IL23R: variants seen among roughly 807,000 people sequenced by gnomAD.
IL23R encodes interleukin 23 receptor.
Under a neutral mutation model 56.9 loss-of-function variants are expected in IL23R, and 34 were observed. The observed-to-expected ratio is 0.60, with a 90% CI of 0.45 to 0.80. The LOEUF (loss-of-function observed/expected upper bound fraction) is 0.80. Among genes scored for constraint, IL23R ranks in the 30% least tolerant of loss-of-function variants. The probability of loss-of-function intolerance (pLI) is 0.00; values close to 1 mark genes in which losing one functional copy is unlikely to be tolerated. For missense variants in IL23R, 635 were observed against 730.0 expected (o/e 0.87, Z 1.50); for synonymous variants, 230 against 249.2 (o/e 0.92, Z 0.73).
At chr1:67,141,495 T>G (rs930282487) in intron 1 of IL23R, among the ~76,000 whole-genome samples, 9 of 152,038 alleles carry the variant, frequency 5.9e-5, no homozygotes, top group Non-Finnish European at 1.0e-4. Context: ...CAGGGACTCA[T>G]GTCTATAATC....
intron 10 of IL23R, among the ~76,000 whole-genome samples, chr1:67,257,090 T>C (rs1652990212): frequency 6.6e-6 from 1 of 152,182 alleles, no homozygotes; most frequent in Admixed American, 6.5e-5. Flanking sequence ...AAAATTGGAA[T>C]GACACTTCAT....
At position 67,200,076 on chromosome 1, in the gene IL23R, G is replaced by A. The variant is rs987529379; in HGVS notation, c.492-661G>A. Among the ~76,000 whole-genome samples, 16 of 152,296 alleles carry A rather than the reference G, an allele frequency of 1.1e-4. No individual in the cohort carries two copies. The South Asian group carries it at 2.7e-3, about 26-fold the overall frequency. ...TGTTTTTGAGACGGAGTCTCGCTCT[G>A]TCGCCCCTGCTGGAGTGCAGTGGTG... On this transcript the variant is annotated intron_variant, in intron 4 of 10. Transcript: ENST00000347310.
At chr1:67,237,314 T>A (rs1651548786) in intron 8 of IL23R, among the ~76,000 whole-genome samples, 2 of 152,308 alleles carry the variant, frequency 1.3e-5, no homozygotes, top group South Asian at 4.1e-4. Flanking sequence ...GTGCTGGGAT[T>A]ACAGGTGTGA....
chr1:67,253,332 A>G (rs1384714119), intron 9 of IL23R, among the ~76,000 whole-genome samples: 1 of 152,180 alleles, frequency 6.6e-6, no homozygotes, highest in Non-Finnish European at 1.5e-5. Context: ...GGATTTCTAA[A>G]TTTTACTGAT....
chr1:67,263,132 T>TTCACAGGTCACCCAGGCTA (rs149532441), downstream of IL23R, among the ~76,000 whole-genome samples: 1 of 139,600 alleles, frequency 7.2e-6, no homozygotes. Context: ...TTTTTTTTTT[T>TTCACAGGTCACCCAGGCTA]AACAGGTCAC....
chr1:67,141,089 G>A (rs1646632849), intron 1 of IL23R, among the ~76,000 whole-genome samples: 1 of 152,056 alleles, frequency 6.6e-6, no homozygotes, highest in South Asian at 2.1e-4. Context: ...AATAACATAG[G>A]AAAATGTGTA....
At chr1:67,227,726 A>G (rs1650710703) in intron 7 of IL23R, among the ~76,000 whole-genome samples, 1 of 152,210 alleles carries the variant, frequency 6.6e-6, no homozygotes, top group Non-Finnish European at 1.5e-5. Context: ...CCACATAGAG[A>G]TGGGTTCTGA....
chr1:67,162,343 C>A (rs1486229486), upstream of IL23R, among the ~76,000 whole-genome samples: 2 of 151,350 alleles, frequency 1.3e-5, no homozygotes, highest in Non-Finnish European at 2.9e-5. Context: ...ACATGTGGCA[C>A]CATGGTGGCA....
At position 67,258,487 on chromosome 1, in the gene IL23R, G is replaced by T; in HGVS notation, c.1249G>T (p.Glu417Ter). 6.3e-7 allele frequency: 1 copy of T among 1,595,334 alleles called. No individual in the cohort carries two copies. Among genetic ancestry groups the T allele is most frequent in the South Asian group, 1.1e-5 (1 of 87,412 alleles). ...NVVKMLQENS[E>*]LMNNNSSEQV... ...TGTCTTTTTTTCCTAGGAAAATAGT[G>T]AACTTATGAATAATAATTCCAGTGA... The change falls in exon 11 of 11, where the codon GAA becomes TAA. Residue 417 changes from glutamate to a stop codon, truncating the protein, a stop_gained. Transcript: ENST00000347310. LOFTEE classifies it low-confidence loss of function (END_TRUNC).
chr1:67,163,456 A>G, upstream of IL23R, among the ~76,000 whole-genome samples: 1 of 125,574 alleles, frequency 8.0e-6, no homozygotes, highest in Non-Finnish European at 1.6e-5. Flanking sequence ...GCCACAGAGC[A>G]AGACCCTGTC....
chr1:67,157,115 A>G (rs904631114), intron 1 of IL23R, among the ~76,000 whole-genome samples: 3 of 151,946 alleles, frequency 2.0e-5, no homozygotes, highest in Admixed American at 6.6e-5. Context: ...CTCTCTCTCC[A>G]TGGGTCGCAC....
At chr1:67,180,979 T>G (rs1392882774) in intron 3 of IL23R, among the ~76,000 whole-genome samples, 1 of 152,224 alleles carries the variant, frequency 6.6e-6, no homozygotes, top group Non-Finnish European at 1.5e-5. Context: ...GAGTTTCTGC[T>G]GAGAGATCCG....
chr1:67,206,884 C>CTTTTTTTTTT lies in IL23R; in HGVS notation c.653-14_653-5dup, dbSNP rs557919248. On this transcript the variant is annotated intron_variant, in intron 5 of 10. Coordinates refer to ENST00000347310, the MANE Select transcript of IL23R (RefSeq NM_144701.3). ...CTAGGCAAGTTTTAAACAGCCAGGTCTTTTTTTTTTTTTTTTTTTTTCTAG... is the reference window on the plus strand; with the variant it reads ...CTAGGCAAGTTTTAAACAGCCAGGTCTTTTTTTTTTTTTTTTTTTTTTTTTTTTTTTCTAG... 3.1e-4 allele frequency: 368 copies of CTTTTTTTTTT among 1,190,630 alleles called. 14 individuals are homozygous for CTTTTTTTTTT. The highest frequency in any genetic ancestry group is 1.2e-3 in the Admixed American group (33 of 26,636). 73.8% of individuals were successfully genotyped at this position (1,190,630 alleles called of 1,614,324 possible). A position where few individuals can be genotyped will look rare whatever the true frequency, so the allele number is the denominator to read the frequency against.
At chr1:67,159,703 T>G (rs369744546) in intron 1 of IL23R, among the ~76,000 whole-genome samples, 11 of 152,318 alleles carry the variant, frequency 7.2e-5, no homozygotes, top group African/African-American at 2.6e-4. Flanking sequence ...GGCTGTAGCA[T>G]GCTATGATAG....
At chr1:67,158,410 C>T (rs1054671459) in intron 1 of IL23R, among the ~76,000 whole-genome samples, 2 of 152,066 alleles carry the variant, frequency 1.3e-5, no homozygotes, top group African/African-American at 4.8e-5. Flanking sequence ...AGATACTGCT[C>T]TTGTGGAGAA....
chr1:67,181,026 G>T (rs560708050), intron 3 of IL23R, among the ~76,000 whole-genome samples: 47 of 152,272 alleles, frequency 3.1e-4, no homozygotes, highest in Admixed American at 6.5e-4. Context: ...TGGGTAACCC[G>T]ACCTTTCTCT....
intron 9 of IL23R, among the ~76,000 whole-genome samples, chr1:67,248,581 G>C (rs1652398212): frequency 6.6e-6 from 1 of 152,098 alleles, no homozygotes; most frequent in Non-Finnish European, 1.5e-5. Flanking sequence ...AGAGGAGTTT[G>C]TTATTACCCA....
At chr1:67,168,286 A>G in intron 2 of IL23R, 96 bp downstream of exon 2, 1 of 960,176 alleles carries the variant, frequency 1.0e-6, no homozygotes, top group Non-Finnish European at 1.7e-6. Context: ...ATCTCTGAAG[A>G]ATACAAATAT....
chr1:67,226,982 T>A (rs1650663230), intron 7 of IL23R, among the ~76,000 whole-genome samples: 1 of 152,326 alleles, frequency 6.6e-6, no homozygotes, highest in East Asian at 1.9e-4. Flanking sequence ...CATGACCCTC[T>A]TCTGCCTAGA....
Sources: allele counts gnomAD v4.1 joint callset (sites outside exome capture counted in the v4.1 genomes callset), GRCh38; gene constraint gnomAD v4.1.1; transcripts MANE v1.5; gene names NCBI Gene and HGNC (gene_info 2026-07-23, HGNC 2026-07-21).